RYR1: variants seen among roughly 807,000 people sequenced by gnomAD.
RYR1 encodes the protein ryanodine receptor 1.
RYR1 carries 342 observed loss-of-function variants against 583.5 expected under a neutral mutation model. That is an observed-to-expected ratio of 0.59 (90% CI 0.54 to 0.64). The LOEUF is 0.64. Among genes scored for constraint, RYR1 ranks in the 30% least tolerant of loss-of-function variants. RYR1 has a pLI of 0.00. For synonymous variants in RYR1, 2,791 were observed against 2,822.5 expected, an observed-to-expected ratio of 0.99 and a Z score of 0.35; for missense variants, 6,032 against 6,917.2, an observed-to-expected ratio of 0.87 and a Z score of 4.54.
Position 38,519,381 on chromosome 19 carries a change from G to T in RYR1, c.10186G>T (p.Asp3396Tyr), listed in dbSNP as rs766380592. ...CCAGGAGGGCGAGCTGCTGGTGCGGGACGAGTTCTCTGTGCTCTGCCGGGA... is the reference window on the plus strand; with the variant it reads ...CCAGGAGGGCGAGCTGCTGGTGCGGTACGAGTTCTCTGTGCTCTGCCGGGA... The part of the protein sequence containing the change: ...EAQEGELLVR[D>Y]EFSVLCRDLY... The change falls in exon 67 of 106, where the codon GAC (aspartate) becomes TAC (tyrosine). Residue 3396 changes from aspartate to tyrosine, a missense_variant. Transcript: ENST00000359596. 15 of 1,606,686 alleles carry T rather than the reference G, an allele frequency of 9.3e-6. No individual in the cohort carries two copies. In the Admixed American group the frequency reaches 1.0e-4, roughly 11 times the overall value.
Position 38,500,975 on chromosome 19 carries a change from C to T in RYR1, c.7599C>T (p.Ala2533=), listed in dbSNP as rs770552982. The T allele has an allele frequency of 2.5e-5, 41 of 1,613,298 alleles. No homozygotes were observed. In the East Asian group the frequency reaches 2.9e-4, roughly 11 times the overall value. The part of the protein sequence containing the change: ...DVGFLPDMRA[A]ASLDTATFST... ...GGTTCCTGCCCGACATGAGGGCAGCCGCCTCGCTGGACACGGTGAGCAACC... is the reference window on the plus strand; with the variant it reads ...GGTTCCTGCCCGACATGAGGGCAGCTGCCTCGCTGGACACGGTGAGCAACC... The change falls in exon 47 of 106, where the codon GCC becomes GCT. Residue 2533 remains alanine, a synonymous_variant. Transcript: ENST00000359596. This position sits in a 1 kb window ranked among gnomAD's most constrained non-coding sequence, Gnocchi z 5.9.
At chr19:38,486,533 T>TGG (rs1277698428) in intron 34 of RYR1, among the ~76,000 whole-genome samples, 9 of 152,086 alleles carry the variant, frequency 5.9e-5, no homozygotes, top group African/African-American at 2.2e-4. Context: ...CAGTAGAGAC[T>TGG]GCTTTCACCA....
chr19:38,435,811 T>C lies in RYR1; in HGVS notation c.45+1937T>C, dbSNP rs537201151. Among the ~76,000 whole-genome samples the C allele has an allele frequency of 5.9e-5, 9 of 152,158 alleles. 1 individual carries two copies. The South Asian group carries it at 8.3e-4, about 14-fold the overall frequency. Reference sequence around the variant, plus strand: ...TCTTACAACTCAGTACATGCACACATGCATAGACATGACTAAAAACCAACT... The same window carrying C: ...TCTTACAACTCAGTACATGCACACACGCATAGACATGACTAAAAACCAACT... On this transcript the variant is annotated intron_variant, in intron 1 of 105. Coordinates refer to ENST00000359596, the MANE Select transcript of RYR1 (RefSeq NM_000540.3).
rs1970200492 is a variant in RYR1 at position 38,502,746 on chromosome 19, C to CGG, written c.7835+19_7835+20insGG. 9.8e-7 allele frequency: 1 copy of CGG among 1,017,996 alleles called. No individual in the cohort carries two copies. Among genetic ancestry groups the CGG allele is most frequent in the Non-Finnish European group, 1.3e-6 (1 of 746,688 alleles). 63.1% of individuals were successfully genotyped at this position (1,017,996 alleles called of 1,614,324 possible). On this transcript the variant is annotated intron_variant, in intron 48 of 105. Transcript: ENST00000359596. ...TCTGCAGGTGGAGCGGGGCAGGCTT[C>CGG]AGGGTGGGGCAGGGGCAGGGGCAGG...
intron 3 of RYR1, 121 bp downstream of exon 3, chr19:38,442,574 T>C: frequency 1.4e-6 from 1 of 700,526 alleles, no homozygotes; most frequent in Non-Finnish European, 2.6e-6. Context: ...CATCTGCTCT[T>C]CTTCCTCTCT....
At chr19:38,506,237 GA>G in intron 54 of RYR1, 65 bp from the exon 55 acceptor site, 1 of 1,533,588 alleles carries the variant, frequency 6.5e-7, no homozygotes, top group Non-Finnish European at 9.0e-7. Context: ...GGGGCCTGGG[GA>G]GGGGCTGGCC....
Position 38,535,674 on chromosome 19 carries a change from T to C in RYR1, c.11516+282T>C, listed in dbSNP as rs1971933304. On this transcript the variant is annotated intron_variant, in intron 81 of 105. Transcript: ENST00000359596. The stretch of plus-strand genomic sequence containing the variant: ...TTGGCAGTGGGAGATTTAGGAGCTC[T>C]CTGATGATCCCAATTAATCTGCCTC... 3.7e-5 allele frequency: 22 copies of C among 594,406 alleles called. No homozygotes were observed. In the South Asian group the frequency reaches 3.8e-4, roughly 10 times the overall value. The allele number at this position is 594,406 out of a possible 1,614,324, so 36.8% of individuals were successfully genotyped here. A position where few individuals can be genotyped will look rare whatever the true frequency, so the allele number is the denominator to read the frequency against.
chr19:38,549,037 G>A (rs1453523765), intron 89 of RYR1, among the ~76,000 whole-genome samples: 6 of 152,188 alleles, frequency 3.9e-5, no homozygotes, highest in Non-Finnish European at 7.3e-5. Flanking sequence ...TGTAGGGCCT[G>A]TAGTGACACT....
chr19:38,546,431 G>T lies in RYR1; in HGVS notation c.12013-14G>T, dbSNP rs1600996952. The T allele has an allele frequency of 3.7e-6, 6 of 1,613,002 alleles. No homozygotes were observed. The highest frequency in any genetic ancestry group is 5.1e-6 in the Non-Finnish European group (6 of 1,179,162). ...GTATGCTGAGACCAGCCCTCACCGA[G>T]CTGGGATCTCTAGGACTCAAGCCAG... On this transcript the variant is annotated splice_polypyrimidine_tract_variant and intron_variant, in intron 87 of 105. Coordinates refer to ENST00000359596, the MANE Select transcript of RYR1 (RefSeq NM_000540.3).
Position 38,548,179 on chromosome 19 carries a change from TG to T in RYR1, c.12095-50del, listed in dbSNP as rs1242224329. On this transcript the variant is annotated intron_variant, in intron 88 of 105. Coordinates refer to ENST00000359596, the MANE Select transcript of RYR1 (RefSeq NM_000540.3). ...GGGCTGGAAAGAGAGGCAAGCCTGG[TG>T]GGGCCCCAGAAGGGAGTGTTCACCG... The T allele has an allele frequency of 3.7e-6, 6 of 1,605,886 alleles. No individual in the cohort carries two copies. In the Admixed American group the frequency reaches 8.4e-5, roughly 22 times the overall value.
Position 38,506,336 on chromosome 19 carries a change from C to A in RYR1, c.8575C>A (p.Pro2859Thr). 6.2e-7 allele frequency: 1 copy of A among 1,613,776 alleles called. No individual in the cohort carries two copies. The highest frequency in any genetic ancestry group is 8.5e-7 in the Non-Finnish European group (1 of 1,179,842). Residue 2859 changes from proline (P) to threonine (T), a missense_variant, in exon 55 of 106, where the codon CCC becomes ACC. By Grantham distance (38) the Pro-to-Thr change is conservative. Transcript: ENST00000359596. ...TCCTCGAGAAGGCTACAACCCTCAG[C>A]CCCCCGACCTTAGTGCTGTTACCCT... ...YDPREGYNPQ[P>T]PDLSAVTLSR...
At chr19:38,439,898 A>T (rs764618800) in intron 1 of RYR1, among the ~76,000 whole-genome samples, 10 of 152,224 alleles carry the variant, frequency 6.6e-5, no homozygotes, top group Non-Finnish European at 7.3e-5. Flanking sequence ...AAATAAAGAT[A>T]AAATAGCAGT....
At chr19:38,580,656 T>C (rs1974162846) in intron 101 of RYR1, 152 bp downstream of exon 101, 2 of 967,612 alleles carry the variant, frequency 2.1e-6, no homozygotes, top group Non-Finnish European at 3.2e-6. Flanking sequence ...GTCCAGGAGT[T>C]GGAAACCAGC....
intron 94 of RYR1, among the ~76,000 whole-genome samples, chr19:38,571,030 G>T (rs1020077835): frequency 2.0e-5 from 3 of 152,224 alleles, no homozygotes; most frequent in Admixed American, 6.5e-5. Flanking sequence ...ATTCTGTTAA[G>T]CATCTTTGGT....
chr19:38,526,898 C>T, intron 71 of RYR1, 95 bp from the exon 72 acceptor site: 1 of 1,369,664 alleles, frequency 7.3e-7, no homozygotes, highest in South Asian at 1.2e-5. Flanking sequence ...AAAACCTCTT[C>T]AGTTCCTGGG....
At position 38,499,160 on chromosome 19, in the gene RYR1, C is replaced by T. The variant is rs1969980848; in HGVS notation, c.6944C>T (p.Ala2315Val). 1 of 1,614,162 alleles carries T rather than the reference C, an allele frequency of 6.2e-7. No homozygotes were observed. Among genetic ancestry groups the T allele is most frequent in the Non-Finnish European group, 8.5e-7 (1 of 1,180,018 alleles). Residue 2315 changes from alanine (A) to valine (V), a missense_variant, in exon 43 of 106, where the codon GCC (alanine) becomes GTC (valine). Around this residue, in one of 11 missense-constraint regions of RYR1, gnomAD observed 2,627 missense variants for 2,961.3 expected, o/e 0.89. Coordinates refer to ENST00000359596, the MANE Select transcript of RYR1 (RefSeq NM_000540.3). The surrounding 1 kb of genome is among the most constrained non-coding windows in gnomAD (Gnocchi z 7.3). ...CGLQSCPMLV[A>V]KGYPDIGWNP... ...CTCCAGAGCTGCCCCATGCTTGTGG[C>T]CAAAGGGTACCCAGACATTGGCTGG...
At chr19:38,454,939 A>G (rs113333964) in intron 13 of RYR1, among the ~76,000 whole-genome samples, 6 of 152,082 alleles carry the variant, frequency 3.9e-5, no homozygotes, top group African/African-American at 1.2e-4. Context: ...GGATGGAGAG[A>G]AAAGTGCAGG....
At chr19:38,524,859 T>TG (rs1312548817) in intron 70 of RYR1, among the ~76,000 whole-genome samples, 1 of 152,016 alleles carries the variant, frequency 6.6e-6, no homozygotes, top group Non-Finnish European at 1.5e-5. Flanking sequence ...GAGGGGGTAT[T>TG]GTACTGGGGT....
At chr19:38,555,678 C>T (rs1972850722) in intron 89 of RYR1, among the ~76,000 whole-genome samples, 1 of 152,016 alleles carries the variant, frequency 6.6e-6, no homozygotes, top group Non-Finnish European at 1.5e-5. Flanking sequence ...TTTGTAGCTT[C>T]TTTAAATCAG....
Sources: allele counts gnomAD v4.1 joint callset (sites outside exome capture counted in the v4.1 genomes callset), GRCh38; gene constraint gnomAD v4.1.1; regional missense constraint gnomAD v4.1.1; non-coding constraint Gnocchi (gnomAD v3.1); transcripts MANE v1.5; gene names NCBI Gene and HGNC (gene_info 2026-07-23, HGNC 2026-07-21).